PKHD1L1: variants seen among roughly 807,000 people sequenced by gnomAD.
PKHD1L1 encodes fibrocystin-L.
In PKHD1L1, 434 loss-of-function variants were observed where a neutral mutation model predicts 462.9. The ratio of observed to expected loss-of-function variants is 0.94; its 90% CI spans 0.87 to 1.02. PKHD1L1 has a LOEUF of 1.02. Ranked by LOEUF, PKHD1L1 falls within the 50% of genes least tolerant of loss-of-function variation. PKHD1L1 has a pLI of 0.00. For missense variants in PKHD1L1, 5,202 were observed against 5,096.1 expected (o/e 1.02, Z -0.63); for synonymous variants, 1,781 against 1,750.0 (o/e 1.02, Z -0.44).
intron 4 of PKHD1L1, among the ~76,000 whole-genome samples, chr8:109,383,175 ATAATATATATAATTATATATAAT>A (rs1812233058): frequency 9.1e-6 from 1 of 109,662 alleles, no homozygotes; most frequent in South Asian, 2.4e-4. Flanking sequence ...AATATATACA[ATAATATATATAATTATATATAAT>A]TATATATTAT....
At chr8:109,405,696 G>A (rs1176196017) in intron 16 of PKHD1L1, among the ~76,000 whole-genome samples, 1 of 151,122 alleles carries the variant, frequency 6.6e-6, no homozygotes, top group Non-Finnish European at 1.5e-5. Context: ...GGGGGGTGGG[G>A]TCGGCACGGG....
At chr8:109,452,099 G>T (rs1816554670) in intron 41 of PKHD1L1, 25 bp from the exon 42 acceptor site, 1 of 1,592,650 alleles carries the variant, frequency 6.3e-7, no homozygotes, top group African/African-American at 1.4e-5. Context: ...AAACATACAT[G>T]TTATGTTTTC....
Position 109,461,780 on chromosome 8 carries a change from G to T in PKHD1L1, c.7255G>T (p.Ala2419Ser), listed in dbSNP as rs759721150. The change falls in exon 48 of 78, where the codon GCT becomes TCT. Residue 2419 changes from alanine (A) to serine (S), a missense_variant. Ala to Ser is a moderately conservative substitution (Grantham distance 99). This residue lies in a region of PKHD1L1 where 4,497 missense variants were observed against 4,336.8 expected (regional missense o/e 1.04). Coordinates refer to ENST00000378402, the MANE Select transcript of PKHD1L1 (RefSeq NM_177531.6). ...TAAAAACTGTTTTGAAGGAGAATTT[G>T]CTACACAGACCTGTCTCCAAGGAAA... ...CPDGFDTGEF[A>S]TQTCLQGKFG... 2 of 1,607,204 alleles carry T rather than the reference G, an allele frequency of 1.2e-6. No homozygotes were observed. The highest frequency in any genetic ancestry group is 1.7e-6 in the Non-Finnish European group (2 of 1,176,958).
chr8:109,432,077 T>A (rs1815137588), intron 27 of PKHD1L1, among the ~76,000 whole-genome samples: 1 of 152,200 alleles, frequency 6.6e-6, no homozygotes, highest in Admixed American at 6.5e-5. Context: ...CCTTCATATG[T>A]TTCTTGGACA....
At chr8:109,491,643 A>G (rs935972319) in intron 61 of PKHD1L1, among the ~76,000 whole-genome samples, 8 of 151,922 alleles carry the variant, frequency 5.3e-5, no homozygotes, top group Admixed American at 1.3e-4. Flanking sequence ...GTGAACCCAC[A>G]TATTTAACAA....
At position 109,508,170 on chromosome 8, in the gene PKHD1L1, A is replaced by G. The variant is rs763602468; in HGVS notation, c.11301A>G (p.Ala3767=). 1.2e-6 allele frequency: 2 copies of G among 1,613,308 alleles called. No homozygotes were observed. Among genetic ancestry groups the G allele is most frequent in the South Asian group, 2.2e-5 (2 of 91,056 alleles). ...QSYQCFGMEY[A]MMVIESLDPD... is the part of the protein sequence containing the mutation. ...ATCAGTGCTTTGGGATGGAATATGC[A>G]ATGATGGTTATTGAAAGTCTGGATC... The change falls in exon 70 of 78, where the codon GCA becomes GCG. Residue 3767 remains alanine, a synonymous_variant. Transcript: ENST00000378402.
chr8:109,445,597 TA>T lies in PKHD1L1; in HGVS notation c.5729del (p.Tyr1910LeufsTer39). On this transcript the variant is annotated frameshift_variant, in exon 38 of 78. Transcript: ENST00000378402. LOFTEE classifies it high-confidence loss of function. ...TGCTTATCCACCTTTGCTTTTTACA[TA>T]TGCCCTGGAGGATACTCCATTTCTC... ...TIAYPPLLFTYALEDTPFLRG... is the reference protein window; with the variant it reads ...TIAYPPLLFTXALEDTPFLRG... 6.2e-7 allele frequency: 1 copy of T among 1,610,514 alleles called. No individual in the cohort carries two copies. Among genetic ancestry groups the T allele is most frequent in the Non-Finnish European group, 8.5e-7 (1 of 1,177,854 alleles).
intron 2 of PKHD1L1, among the ~76,000 whole-genome samples, chr8:109,368,905 C>A (rs1028972703): frequency 5.3e-5 from 8 of 152,120 alleles, no homozygotes; most frequent in Admixed American, 2.0e-4. Context: ...GTACACTCAG[C>A]CTTTCCTGTA....
At position 109,439,017 on chromosome 8, in the gene PKHD1L1, GC is replaced by G; in HGVS notation, c.3883del (p.Leu1295PhefsTer14). On this transcript the variant is annotated frameshift_variant, in exon 32 of 78. Coordinates refer to ENST00000378402, the MANE Select transcript of PKHD1L1 (RefSeq NM_177531.6). LOFTEE classifies it high-confidence loss of function. ...ILHWNFTDIR[C>X]LLPKLSPGKH... ...CACTGGAACTTCACAGATATTAGAT[GC>G]CTTTTGCCCAAGTTGTCTCCTGGAA... The G allele has an allele frequency of 6.2e-7, 1 of 1,613,626 alleles. No individual in the cohort carries two copies.
At chr8:109,368,956 T>A (rs955451479) in intron 2 of PKHD1L1, among the ~76,000 whole-genome samples, 1 of 152,170 alleles carries the variant, frequency 6.6e-6, no homozygotes, top group African/African-American at 2.4e-5. Flanking sequence ...GGTGTTTTTA[T>A]CTTCAATCAT....
In PKHD1L1 at chr8:109,454,805, A is replaced by G. The variant is rs761128271; in HGVS notation, c.6827A>G (p.Tyr2276Cys). ...CTGCGATCTCCTGAGCTCCCTGTCT[A>G]TGGTGCCAAAACACTGGCTGTGCGG... ...GHLRSPELPV[Y>C]GAKTLAVREG... Residue 2276 changes from tyrosine (Y) to cysteine (C), a missense_variant, in exon 45 of 78, where the codon TAT becomes TGT. By Grantham distance (194) the Tyr-to-Cys change is radical (BLOSUM62 -2). Transcript: ENST00000378402. 9.9e-6 allele frequency: 16 copies of G among 1,613,806 alleles called. No individual in the cohort carries two copies. The highest frequency in any genetic ancestry group is 3.3e-5 in the Admixed American group (2 of 60,000).
chr8:109,430,350 A>G (rs1815028586), intron 27 of PKHD1L1, among the ~76,000 whole-genome samples: 1 of 152,182 alleles, frequency 6.6e-6, no homozygotes, highest in Non-Finnish European at 1.5e-5. Context: ...GACACTGAGG[A>G]ACTTTTATTC....
At chr8:109,388,634 T>G in intron 7 of PKHD1L1, 84 bp downstream of exon 7, 1 of 891,546 alleles carries the variant, frequency 1.1e-6, no homozygotes, top group Non-Finnish European at 1.8e-6. Context: ...CTACCAATAC[T>G]GCATAGCTAA....
In PKHD1L1 at chr8:109,531,363, G is replaced by A. The variant is rs542467405; in HGVS notation, c.*1273G>A. The stretch of plus-strand genomic sequence containing the variant: ...GAAATAAGATGCTATGCCTTCCCTC[G>A]AAGAGTTTTCAGGATATTTGGGGAA... On this transcript the variant is annotated 3_prime_UTR_variant, in exon 78 of 78. Transcript: ENST00000378402. Among the ~76,000 whole-genome samples the A allele has an allele frequency of 7.9e-5, 12 of 152,238 alleles. No homozygotes were observed. Among genetic ancestry groups the A allele is most frequent in the South Asian group, 2.1e-4 (1 of 4,820 alleles).
At chr8:109,426,171 G>C (rs1680243851) in intron 24 of PKHD1L1, among the ~76,000 whole-genome samples, 3 of 151,896 alleles carry the variant, frequency 2.0e-5, no homozygotes, top group African/African-American at 4.8e-5. Context: ...TCAAATGTTT[G>C]TTTCTCTTTT....
chr8:109,499,182 T>G (rs929687580), intron 67 of PKHD1L1: 1 of 162,424 alleles, frequency 6.2e-6, no homozygotes, highest in Non-Finnish European at 1.4e-5. Context: ...AATCAAAATC[T>G]TCTGATTCAA....
chr8:109,480,108 T>C lies in PKHD1L1; in HGVS notation c.9296T>C (p.Val3099Ala). 10 of 1,575,310 alleles carry C rather than the reference T, an allele frequency of 6.3e-6. No individual in the cohort carries two copies. The highest frequency in any genetic ancestry group is 8.6e-6 in the Non-Finnish European group (10 of 1,160,120). ...VGAAESSYRE[V>A]VLNATYISLQ... Reference sequence around the variant, plus strand: ...GCTGCAGAATCTTCTTACAGAGAAGTTGTTTTGAATGCTACCTACATATCA... The same window carrying C: ...GCTGCAGAATCTTCTTACAGAGAAGCTGTTTTGAATGCTACCTACATATCA... The change falls in exon 55 of 78, where the codon GTT becomes GCT. Residue 3099 changes from valine (V) to alanine (A), a missense_variant. Around this residue, in one of 3 missense-constraint regions of PKHD1L1, gnomAD observed 4,497 missense variants for 4,336.8 expected, o/e 1.04. Coordinates refer to ENST00000378402, the MANE Select transcript of PKHD1L1 (RefSeq NM_177531.6).
chr8:109,365,586 G>A (rs989057598), intron 2 of PKHD1L1, among the ~76,000 whole-genome samples: 3 of 152,170 alleles, frequency 2.0e-5, no homozygotes, highest in African/African-American at 7.2e-5. Context: ...TTAACCATAT[G>A]TTTCTTATAT....
intron 38 of PKHD1L1, among the ~76,000 whole-genome samples, chr8:109,446,682 C>G (rs562703486): frequency 6.6e-6 from 1 of 152,164 alleles, no homozygotes; most frequent in Non-Finnish European, 1.5e-5. Context: ...GTAATCATTG[C>G]AAATAATGGC....
Sources: allele counts gnomAD v4.1 joint callset (sites outside exome capture counted in the v4.1 genomes callset), GRCh38; gene constraint gnomAD v4.1.1; regional missense constraint gnomAD v4.1.1; transcripts MANE v1.5; gene names NCBI Gene and HGNC (gene_info 2026-07-23, HGNC 2026-07-21).